CREB5: variants seen among roughly 807,000 people sequenced by gnomAD.
CREB5 encodes cAMP responsive element binding protein 5.
Under a neutral mutation model 57.1 loss-of-function variants are expected in CREB5, and 19 were observed. That is an observed-to-expected ratio of 0.33 (90% CI 0.23 to 0.49). The LOEUF (loss-of-function observed/expected upper bound fraction) is 0.49, where lower values mean the gene tolerates loss of function less well. CREB5 is among the 20% of genes least tolerant of loss of function. The probability of loss-of-function intolerance (pLI) is 0.99; values close to 1 mark genes in which losing one functional copy is unlikely to be tolerated. For missense variants in CREB5, 579 were observed against 671.6 expected (o/e 0.86, Z 1.52); for synonymous variants, 238 against 238.3 (o/e 1.00, Z 0.01).
intron 5 of CREB5, among the ~76,000 whole-genome samples, chr7:28,581,630 G>A (rs2128657190): frequency 6.6e-6 from 1 of 152,294 alleles, no homozygotes; most frequent in South Asian, 2.1e-4. Context: ...ACCCTCAAGA[G>A]CTTCCTAAGA....
rs529551753 is a variant in CREB5, at chr7:28,452,678, A to G, written c.4-35497A>G. On this transcript the variant is annotated intron_variant, in intron 1 of 10. Transcript: ENST00000357727. ...TAGAGCCCCATGAGAGCTGGGGCCT[A>G]AAGAGGGAAGCAGCAAGGTGTGGGG... 3.9e-5 allele frequency among the ~76,000 whole-genome samples: 6 copies of G among 152,268 alleles called. No individual in the cohort carries two copies. The East Asian group carries it at 1.2e-3, about 29-fold the overall frequency.
At chr7:28,378,876 A>T (rs573881459) in intron 1 of CREB5, among the ~76,000 whole-genome samples, 2 of 152,320 alleles carry the variant, frequency 1.3e-5, no homozygotes, top group African/African-American at 4.8e-5. Context: ...GCTGAAATGA[A>T]GATATATTTT....
intron 5 of CREB5, among the ~76,000 whole-genome samples, chr7:28,703,248 A>G (rs1801951951): frequency 6.6e-6 from 1 of 152,176 alleles, no homozygotes; most frequent in African/African-American, 2.4e-5. Flanking sequence ...TCTTGGCAGT[A>G]GGGATGGAGC....
intron 5 of CREB5, among the ~76,000 whole-genome samples, chr7:28,643,976 G>T (rs945233023): frequency 2.0e-5 from 3 of 152,016 alleles, no homozygotes; most frequent in East Asian, 1.9e-4. Flanking sequence ...TGCTAGGGAG[G>T]CTGAGGTGGG....
intron 5 of CREB5, among the ~76,000 whole-genome samples, chr7:28,708,777 G>A (rs1048950201): frequency 1.3e-5 from 2 of 152,204 alleles, no homozygotes; most frequent in Middle Eastern, 3.2e-3. Context: ...AAACAGAATT[G>A]CTGACTTGGA....
rs1256470362 is a variant in CREB5 at position 28,306,614 on chromosome 7, G to A, written c.-25+7173G>A. ...CTCGCTCTGTCGCCCAGGCTGGAGT[G>A]CAGTGGCGGGATCTCGGCTCACTGC... On this transcript the variant is annotated intron_variant, in intron 1 of 9. Transcript: ENST00000396299. 2.3e-5 allele frequency among the ~76,000 whole-genome samples: 3 copies of A among 131,958 alleles called. No individual in the cohort carries two copies. In the East Asian group the frequency reaches 7.5e-4, roughly 33 times the overall value. The allele number at this position is 131,958 out of a possible 152,430, so 86.6% of individuals were successfully genotyped here.
chr7:28,724,101 G>A, intron 6 of CREB5, 121 bp from the exon 7 acceptor site: 1 of 781,056 alleles, frequency 1.3e-6, no homozygotes, highest in Non-Finnish European at 2.0e-6. Context: ...CCAAACCATA[G>A]GCCTTCTCAG....
chr7:28,761,532 G>T lies in CREB5; in HGVS notation c.702+37200G>T, dbSNP rs373204021. ...GGAACATGGCATAAATCCCCAACCAGTACATTTATCCAATTAGATTTAAAC... is the reference window on the plus strand; with the variant it reads ...GGAACATGGCATAAATCCCCAACCATTACATTTATCCAATTAGATTTAAAC... On this transcript the variant is annotated intron_variant, in intron 7 of 10. Coordinates refer to ENST00000357727, the MANE Select transcript of CREB5 (RefSeq NM_182898.4). Among the ~76,000 whole-genome samples the T allele has an allele frequency of 7.6e-3, 1,151 of 152,240 alleles. 10 individuals are homozygous for T. The highest frequency in any genetic ancestry group is 0.026 in the African/African-American group (1,087 of 41,546).
chr7:28,313,888 T>C (rs1785326681), intron 1 of CREB5, among the ~76,000 whole-genome samples: 1 of 152,226 alleles, frequency 6.6e-6, no homozygotes, highest in South Asian at 2.1e-4. Context: ...TATTCTAGCA[T>C]ACCATACAAT....
intron 7 of CREB5, among the ~76,000 whole-genome samples, chr7:28,749,719 C>A (rs111843048): frequency 3.8e-3 from 574 of 152,256 alleles, no homozygotes; most frequent in Middle Eastern, 0.031. Flanking sequence ...ATGGAGTCAG[C>A]TGATTTTTTT....
At chr7:28,310,807 T>G (rs1007108934) in intron 1 of CREB5, among the ~76,000 whole-genome samples, 1 of 152,202 alleles carries the variant, frequency 6.6e-6, no homozygotes, top group Non-Finnish European at 1.5e-5. Flanking sequence ...TATGCAGACA[T>G]TAAAAAGAAG....
intron 5 of CREB5, among the ~76,000 whole-genome samples, chr7:28,657,717 G>GAAAAAAAAAAAAAAAAAAAA (rs59307921): frequency 1.9e-5 from 1 of 54,028 alleles, no homozygotes. Context: ...ACTCTCTCTC[G>GAAAAAAAAAAAAAAAAAAAA]AAAAAAAAAA....
At chr7:28,758,178 A>G (rs944221272) in intron 7 of CREB5, among the ~76,000 whole-genome samples, 1 of 152,174 alleles carries the variant, frequency 6.6e-6, no homozygotes, top group Non-Finnish European at 1.5e-5. Flanking sequence ...GAAGATATCG[A>G]GGCTCAGGTA....
intron 3 of CREB5, among the ~76,000 whole-genome samples, chr7:28,504,390 C>T (rs1387882215): frequency 6.6e-5 from 10 of 152,136 alleles, no homozygotes; most frequent in African/African-American, 2.4e-4. Flanking sequence ...ATAATAATGG[C>T]GGATGCTCCA....
At chr7:28,587,500 T>TA (rs750878602) in intron 5 of CREB5, among the ~76,000 whole-genome samples, 22 of 87,680 alleles carry the variant, frequency 2.5e-4, no homozygotes, top group East Asian at 2.0e-3. Flanking sequence ...CTTCGGGAGT[T>TA]AAAAAAAATA....
At chr7:28,637,647 C>A (rs1489311566) in intron 5 of CREB5, among the ~76,000 whole-genome samples, 1 of 152,106 alleles carries the variant, frequency 6.6e-6, no homozygotes, top group Non-Finnish European at 1.5e-5. Flanking sequence ...ATGCAGAGGG[C>A]AAACTATTTG....
At chr7:28,768,006 C>A (rs1011635215) in intron 7 of CREB5, among the ~76,000 whole-genome samples, 4 of 152,106 alleles carry the variant, frequency 2.6e-5, no homozygotes, top group Non-Finnish European at 4.4e-5. Context: ...GGTCTAAGAT[C>A]CCCATAAGGA....
chr7:28,429,955 G>C (rs1349151237), intron 1 of CREB5, among the ~76,000 whole-genome samples: 1 of 152,212 alleles, frequency 6.6e-6, no homozygotes, highest in Non-Finnish European at 1.5e-5. Flanking sequence ...ATGAAAGAAA[G>C]AGATCTGATT....
rs1785489933 is a variant in CREB5 at position 28,321,224 on chromosome 7, T to C, written c.-25+21783T>C. Among the ~76,000 whole-genome samples, 4 of 152,192 alleles carry C rather than the reference T, an allele frequency of 2.6e-5. No homozygotes were observed. The South Asian group carries it at 8.3e-4, about 32-fold the overall frequency. On this transcript the variant is annotated intron_variant, in intron 1 of 9. Coordinates refer to the CREB5 transcript ENST00000396299. ...TTGTCTTTGCCTCTTCATCCTCTTT[T>C]TTTTTGTACCCTTCATCCTCCTCTT...
Sources: gnomAD v4.1 joint callset for allele counts (sites outside exome capture counted in the v4.1 genomes callset) on GRCh38, gnomAD v4.1.1 for gene constraint, MANE v1.5 for transcripts, NCBI Gene and HGNC (gene_info 2026-07-23, HGNC 2026-07-21) for gene names.